Variants in P2RY2 observed in about 807,000 individuals in gnomAD.
The protein encoded by P2RY2 is purinergic receptor P2Y2.
For missense variants in P2RY2, 567 were observed against 515.7 expected (o/e 1.10, Z -0.96); for synonymous variants, 241 against 231.9 (o/e 1.04, Z -0.35).
At chr11:73,223,841 G>C (rs1470259156) in intron 1 of P2RY2, among the ~76,000 whole-genome samples, 1 of 152,198 alleles carries the variant, frequency 6.6e-6, no homozygotes. Context: ...TTGGGGGTGA[G>C]GTGGTCAAAC....
chr11:73,230,085 T>G (rs1257133389), intron 2 of P2RY2, among the ~76,000 whole-genome samples: 4 of 152,046 alleles, frequency 2.6e-5, no homozygotes, highest in Non-Finnish European at 5.9e-5. Context: ...TGGGAAGGAA[T>G]GTGGCCTCTC....
At chr11:73,220,797 A>C (rs141147073) in intron 1 of P2RY2, among the ~76,000 whole-genome samples, 2 of 150,806 alleles carry the variant, frequency 1.3e-5, no homozygotes, top group Non-Finnish European at 3.0e-5. Flanking sequence ...TGAGGCTGTG[A>C]CTCCTCTGTT....
In P2RY2 at chr11:73,236,099, TCCC is replaced by T; in HGVS notation, c.*809_*811del. 2.0e-6 allele frequency: 2 copies of T among 998,400 alleles called. No homozygotes were observed. Among genetic ancestry groups the T allele is most frequent in the Non-Finnish European group, 2.4e-6 (2 of 828,356 alleles). 61.8% of individuals were successfully genotyped at this position (998,400 alleles called of 1,614,324 possible). The stretch of plus-strand genomic sequence containing the variant: ...GATCCTCTCTCCAGGCCCCAGGTCA[TCCC>T]CCACTGTAAAGCCAGTTGGCTTCTG... On this transcript the variant is annotated 3_prime_UTR_variant, in exon 3 of 3. Coordinates refer to ENST00000393597, the MANE Select transcript of P2RY2 (RefSeq NM_002564.4).
intron 1 of P2RY2, among the ~76,000 whole-genome samples, chr11:73,226,152 G>A (rs763741772): frequency 2.2e-4 from 34 of 152,150 alleles, no homozygotes; most frequent in Non-Finnish European, 4.0e-4. Flanking sequence ...TGGACTAACA[G>A]GGCTTGGTGA....
rs569174452 is a variant in P2RY2, at chr11:73,230,346, G to A, written c.-5+2171G>A. Among the ~76,000 whole-genome samples the A allele has an allele frequency of 2.0e-5, 3 of 151,886 alleles. No homozygotes were observed. In the South Asian group the frequency reaches 6.2e-4, roughly 32 times the overall value. ...AAGGCCTTCCCCTGCTTGGCTCTCA[G>A]TGTCACTCCCCTGGCTCACCACAAT... On this transcript the variant is annotated intron_variant, in intron 2 of 2. Transcript: ENST00000393597.
rs542690634 is a variant in P2RY2, at chr11:73,234,451, C to A, written c.292C>A (p.His98Asn). ...GGTCTATTACTACGCCCGCGGCGAC[C>A]ACTGGCCCTTCAGCACGGTGCTCTG... ...LLVYYYARGD[H>N]WPFSTVLCKL... Residue 98 changes from histidine to asparagine, a missense_variant, in exon 3 of 3, where the codon CAC becomes AAC. By Grantham distance (68) the His-to-Asn change is moderately conservative. Transcript: ENST00000393597. 6.2e-7 allele frequency: 1 copy of A among 1,614,144 alleles called. No homozygotes were observed. The highest frequency in any genetic ancestry group is 2.2e-5 in the East Asian group (1 of 44,886).
intron 2 of P2RY2, 27 bp from the exon 3 acceptor site, chr11:73,234,129 A>G: frequency 6.3e-7 from 1 of 1,575,496 alleles, no homozygotes; most frequent in Non-Finnish European, 8.6e-7. Flanking sequence ...CACAACCCTG[A>G]TGGCCCCACC....
intron 2 of P2RY2, among the ~76,000 whole-genome samples, chr11:73,232,358 G>A (rs928493791): frequency 2.6e-5 from 4 of 152,254 alleles, no homozygotes; most frequent in East Asian, 3.9e-4. Context: ...CCTCTTGATT[G>A]GAGAACTGGG....
At chr11:73,233,618 T>G (rs764639460) in intron 2 of P2RY2, among the ~76,000 whole-genome samples, 3 of 152,168 alleles carry the variant, frequency 2.0e-5, no homozygotes, top group Non-Finnish European at 2.9e-5. Flanking sequence ...TAAGAAAACT[T>G]CAAGTAGCTG....
Position 73,237,969 on chromosome 11 carries a change from A to C in P2RY2, c.*2676A>C, listed in dbSNP as rs1862693786. Reference sequence around the variant, plus strand: ...CCCCTTCACACCTCCCTAACCTGACATCACTTCCTGGGCTGTTGACTCATG... The same window carrying C: ...CCCCTTCACACCTCCCTAACCTGACCTCACTTCCTGGGCTGTTGACTCATG... On this transcript the variant is annotated 3_prime_UTR_variant, in exon 3 of 3. Transcript: ENST00000393597. 6.6e-6 allele frequency among the ~76,000 whole-genome samples: 1 copy of C among 152,146 alleles called. No homozygotes were observed.
In P2RY2 at chr11:73,237,744, G is replaced by C. The variant is rs914775174; in HGVS notation, c.*2451G>C. 1.1e-4 allele frequency among the ~76,000 whole-genome samples: 17 copies of C among 152,154 alleles called. No individual in the cohort carries two copies. Among genetic ancestry groups the C allele is most frequent in the African/African-American group, 4.1e-4 (17 of 41,428 alleles). On this transcript the variant is annotated 3_prime_UTR_variant, in exon 3 of 3. Transcript: ENST00000393597. Reference sequence around the variant, plus strand: ...ACCCAGTTGGACTGCCTGGCCCCTTGGTATGCACGTCCCACCTTGCTGCTC... The same window carrying C: ...ACCCAGTTGGACTGCCTGGCCCCTTCGTATGCACGTCCCACCTTGCTGCTC...
intron 1 of P2RY2, among the ~76,000 whole-genome samples, chr11:73,220,736 G>C (rs954785711): frequency 6.6e-6 from 1 of 152,144 alleles, no homozygotes; most frequent in Non-Finnish European, 1.5e-5. Flanking sequence ...GAGGGGTTGG[G>C]GATCCCAGTG....
intron 1 of P2RY2, among the ~76,000 whole-genome samples, chr11:73,221,178 T>C (rs181634610): frequency 6.9e-4 from 105 of 152,286 alleles, no homozygotes; most frequent in African/African-American, 2.1e-3. Context: ...GTGCTTGTTA[T>C]TGAAATTTGA....
Position 73,236,274 on chromosome 11 carries a change from A to C in P2RY2, c.*981A>C. 1.4e-6 allele frequency: 1 copy of C among 709,726 alleles called. No individual in the cohort carries two copies. Among genetic ancestry groups the C allele is most frequent in the South Asian group, 6.4e-5 (1 of 15,644 alleles). 44.0% of individuals were successfully genotyped at this position (709,726 alleles called of 1,614,324 possible). On this transcript the variant is annotated 3_prime_UTR_variant, in exon 3 of 3. Transcript: ENST00000393597. ...ATTTAACTGGGAACCCCTTCTTTGT[A>C]GAACTGCCCATTTCCATGGTGCAAA...
rs1180729398 is a variant in P2RY2 at position 73,233,886 on chromosome 11, CGTTGT to C, written c.-4-266_-4-262del. On this transcript the variant is annotated intron_variant, in intron 2 of 2. Transcript: ENST00000393597. Reference sequence around the variant, plus strand: ...CAACTCTTTGTAAACAGATGGGCACCGTTGTGTTCCAACAAAGCTGAATTTACAAA... The same window carrying C: ...CAACTCTTTGTAAACAGATGGGCACCGTTCCAACAAAGCTGAATTTACAAA... 2.8e-5 allele frequency: 14 copies of C among 501,174 alleles called. No individual in the cohort carries two copies. The East Asian group carries it at 4.3e-4, about 16-fold the overall frequency. 31.0% of individuals were successfully genotyped at this position (501,174 alleles called of 1,614,324 possible).
chr11:73,235,158 C>T lies in P2RY2; in HGVS notation c.999C>T (p.Arg333=). The change falls in exon 3 of 3, where the codon CGC becomes CGT. Residue 333 remains arginine (R), a synonymous_variant. Coordinates refer to ENST00000393597, the MANE Select transcript of P2RY2 (RefSeq NM_002564.4). ...PTGPSPATPA[R]RRLGLRRSDR... ...GCCCCAGCCCTGCCACCCCGGCTCGCCGCAGGCTGGGCCTGCGCAGATCCG... is the reference window on the plus strand; with the variant it reads ...GCCCCAGCCCTGCCACCCCGGCTCGTCGCAGGCTGGGCCTGCGCAGATCCG... 6.2e-7 allele frequency: 1 copy of T among 1,608,804 alleles called. No homozygotes were observed. Among genetic ancestry groups the T allele is most frequent in the African/African-American group, 1.3e-5 (1 of 75,036 alleles).
chr11:73,224,261 C>T (rs1862211901), intron 1 of P2RY2, among the ~76,000 whole-genome samples: 1 of 152,236 alleles, frequency 6.6e-6, no homozygotes, highest in African/African-American at 2.4e-5. Context: ...TCAGCCTGTG[C>T]ACTCTAGCCT....
At chr11:73,228,326 G>T (rs975559999) in intron 2 of P2RY2, among the ~76,000 whole-genome samples, 151 bp downstream of exon 2, 2 of 152,248 alleles carry the variant, frequency 1.3e-5, no homozygotes, top group African/African-American at 4.8e-5. Context: ...AGGCTGTGAT[G>T]AATTCAGGCT....
chr11:73,221,672 T>C (rs1265518377), intron 1 of P2RY2, among the ~76,000 whole-genome samples: 1 of 152,152 alleles, frequency 6.6e-6, no homozygotes, highest in Non-Finnish European at 1.5e-5. Flanking sequence ...CTATACCCTC[T>C]GGGCCACACC....
Sources: gnomAD v4.1 joint callset for allele counts (sites outside exome capture counted in the v4.1 genomes callset) on GRCh38, gnomAD v4.1.1 for gene constraint, MANE v1.5 for transcripts, NCBI Gene and HGNC (gene_info 2026-07-23, HGNC 2026-07-21) for gene names.